Variants in GGNBP2 observed in about 807,000 individuals in gnomAD.
The protein encoded by GGNBP2 is gametogenetin-binding protein 2.
GGNBP2 carries 10 observed loss-of-function variants against 85.9 expected under a neutral mutation model. The observed-to-expected ratio is 0.12, with a 90% CI of 0.07 to 0.20. The LOEUF (loss-of-function observed/expected upper bound fraction) is 0.20. GGNBP2 is among the 10% of genes least tolerant of loss of function. GGNBP2 has a pLI of 1.00. For synonymous variants in GGNBP2, 287 were observed against 285.7 expected, an observed-to-expected ratio of 1.00 and a Z score of -0.05; for missense variants, 595 against 857.8, an observed-to-expected ratio of 0.69 and a Z score of 3.83.
At chr17:36,580,777 A>G (rs1193176463) in intron 8 of GGNBP2, among the ~76,000 whole-genome samples, 1 of 151,844 alleles carries the variant, frequency 6.6e-6, no homozygotes, top group East Asian at 2.0e-4. Context: ...AAAATCAGCC[A>G]GTGTGGTGGC....
intron 5 of GGNBP2, 28 bp from the exon 6 acceptor site, chr17:36,567,635 T>C: frequency 8.4e-7 from 1 of 1,195,246 alleles, no homozygotes; most frequent in Non-Finnish European, 1.2e-6. Flanking sequence ...GTATTCTCCC[T>C]TTTCACTAAT....
chr17:36,549,645 GT>G (rs2074289921), intron 2 of GGNBP2, among the ~76,000 whole-genome samples: 1 of 152,102 alleles, frequency 6.6e-6, no homozygotes, highest in South Asian at 2.1e-4. Context: ...GTAACTTTTT[GT>G]CCTTATTTAT....
Position 36,581,792 on chromosome 17 carries a change from G to A in GGNBP2, c.1215+254G>A, listed in dbSNP as rs181591366. ...TGGTATCTGTGGGGTTTGATTCCAGGACTTCCTGTAGATACCAAAATCTGC... is the reference window on the plus strand; with the variant it reads ...TGGTATCTGTGGGGTTTGATTCCAGAACTTCCTGTAGATACCAAAATCTGC... On this transcript the variant is annotated intron_variant, in intron 9 of 13. Transcript: ENST00000613102. 4 of 262,480 alleles carry A rather than the reference G, an allele frequency of 1.5e-5. No individual in the cohort carries two copies. In the East Asian group the frequency reaches 2.7e-4, roughly 18 times the overall value. 16.3% of individuals were successfully genotyped at this position (262,480 alleles called of 1,614,324 possible).
intron 2 of GGNBP2, chr17:36,547,503 C>T (rs948348726): frequency 5.3e-5 from 8 of 152,178 alleles, no homozygotes; most frequent in Admixed American, 5.2e-4. Flanking sequence ...ACATAACCAC[C>T]TTTGTGAATG....
chr17:36,557,981 G>A lies in GGNBP2; in HGVS notation c.428+645G>A, dbSNP rs116089968. 2.5e-3 allele frequency among the ~76,000 whole-genome samples: 382 copies of A among 152,184 alleles called. 1 individual carries two copies. The highest frequency in any genetic ancestry group is 8.6e-3 in the African/African-American group (357 of 41,526). On this transcript the variant is annotated intron_variant, in intron 4 of 13. Coordinates refer to ENST00000613102, the MANE Select transcript of GGNBP2 (RefSeq NM_024835.5). ...ACAAAAATTAGCTGAGCATGGTGGC[G>A]CATGGCTGTCATCACAGCTATTCAG...
chr17:36,570,203 C>T (rs958201266), intron 6 of GGNBP2, among the ~76,000 whole-genome samples: 2 of 151,804 alleles, frequency 1.3e-5, no homozygotes, highest in African/African-American at 4.8e-5. Context: ...CATGGTAAAA[C>T]CCCGTCTCTA....
chr17:36,562,984 G>T (rs997528894), intron 5 of GGNBP2, among the ~76,000 whole-genome samples: 3 of 119,398 alleles, frequency 2.5e-5, no homozygotes, highest in East Asian at 2.5e-4. Context: ...AAAAAAAAAA[G>T]GCTGGGCGTG....
At chr17:36,557,784 G>A (rs1042898403) in intron 4 of GGNBP2, among the ~76,000 whole-genome samples, 1 of 152,162 alleles carries the variant, frequency 6.6e-6, no homozygotes, top group Non-Finnish European at 1.5e-5. Flanking sequence ...GCTGGAGCCA[G>A]ATGAATGAAG....
intron 5 of GGNBP2, among the ~76,000 whole-genome samples, chr17:36,563,125 G>T (rs1189982404): frequency 1.3e-5 from 2 of 151,976 alleles, no homozygotes; most frequent in African/African-American, 2.4e-5. Flanking sequence ...AATTAGCCAG[G>T]CGTGGTGGCA....
intron 6 of GGNBP2, chr17:36,577,455 C>A: frequency 6.5e-6 from 1 of 153,464 alleles, no homozygotes; most frequent in Non-Finnish European, 1.5e-5. Flanking sequence ...CACCACTTTC[C>A]CATTCTTCTC....
intron 6 of GGNBP2, among the ~76,000 whole-genome samples, chr17:36,576,441 C>T (rs1347426294): frequency 2.9e-5 from 3 of 103,472 alleles, no homozygotes; most frequent in East Asian, 2.7e-4. Context: ...GTAATCCCAG[C>T]GACTCGGGAG....
At chr17:36,559,930 A>T (rs1364656482) in intron 4 of GGNBP2, among the ~76,000 whole-genome samples, 1 of 152,058 alleles carries the variant, frequency 6.6e-6, no homozygotes, top group East Asian at 1.9e-4. Flanking sequence ...CGCCTCCCAG[A>T]TTCAAGTGAT....
intron 5 of GGNBP2, among the ~76,000 whole-genome samples, chr17:36,564,098 A>G (rs998753572): frequency 1.3e-5 from 2 of 152,164 alleles, no homozygotes; most frequent in African/African-American, 4.8e-5. Flanking sequence ...TCATCAGCTC[A>G]TTCTTCCTTC....
At position 36,581,370 on chromosome 17, in the gene GGNBP2, T is replaced by C; in HGVS notation, c.1047T>C (p.Ile349=). 6.2e-7 allele frequency: 1 copy of C among 1,612,756 alleles called. No individual in the cohort carries two copies. Among genetic ancestry groups the C allele is most frequent in the African/African-American group, 1.3e-5 (1 of 74,898 alleles). Residue 349 remains isoleucine (I), a synonymous_variant, in exon 9 of 14, where the codon ATT becomes ATC. Coordinates refer to ENST00000613102, the MANE Select transcript of GGNBP2 (RefSeq NM_024835.5). ...FEMTVEKVQG[I]SRLEQLCEEF... is the part of the protein sequence containing the mutation. ...TGACCGTGGAAAAAGTACAGGGTAT[T>C]AGCAGATTGGAACAACTTTGTGAGG...
intron 5 of GGNBP2, among the ~76,000 whole-genome samples, chr17:36,563,568 C>T (rs2074440217): frequency 6.8e-6 from 1 of 147,708 alleles, no homozygotes; most frequent in Admixed American, 6.7e-5. Context: ...CCAGTTCATA[C>T]TTAGATTTTA....
intron 3 of GGNBP2, among the ~76,000 whole-genome samples, chr17:36,555,589 C>T (rs1198230098): frequency 2.0e-5 from 3 of 152,092 alleles, no homozygotes; most frequent in African/African-American, 7.2e-5. Context: ...CCAGCTCCTC[C>T]GTAGGTTCAG....
chr17:36,582,980 AGAGT>A (rs1040850018), intron 9 of GGNBP2, among the ~76,000 whole-genome samples: 10 of 152,226 alleles, frequency 6.6e-5, no homozygotes, highest in Admixed American at 2.0e-4. Context: ...AAATAAAATG[AGAGT>A]GAGAAGAATG....
intron 12 of GGNBP2, chr17:36,586,768 G>A: frequency 4.6e-6 from 2 of 431,124 alleles, no homozygotes; most frequent in Non-Finnish European, 8.5e-6. Flanking sequence ...ACAGGCGCAT[G>A]CCACCATGGC....
At position 36,579,320 on chromosome 17, in the gene GGNBP2, T is replaced by C; in HGVS notation, c.921T>C (p.Tyr307=). ...EVLTCLGIHL[Y]ERLHRIWQKL... Reference sequence around the variant, plus strand: ...TGACCTGCTTGGGAATTCATCTTTATGAAAGACTGCATCGAATCTGGCAGA... The same window carrying C: ...TGACCTGCTTGGGAATTCATCTTTACGAAAGACTGCATCGAATCTGGCAGA... Residue 307 remains tyrosine (Y), a synonymous_variant, in exon 8 of 14, where the codon TAT becomes TAC. Transcript: ENST00000613102. 3 of 1,614,170 alleles carry C rather than the reference T, an allele frequency of 1.9e-6. No homozygotes were observed. Among genetic ancestry groups the C allele is most frequent in the Non-Finnish European group, 8.5e-7 (1 of 1,179,996 alleles).
Sources: gnomAD v4.1 joint callset for allele counts (sites outside exome capture counted in the v4.1 genomes callset) on GRCh38, gnomAD v4.1.1 for gene constraint, MANE v1.5 for transcripts, NCBI Gene and HGNC (gene_info 2026-07-23, HGNC 2026-07-21) for gene names.